IGDCC3: variants seen among roughly 807,000 people sequenced by gnomAD.
IGDCC3 encodes immunoglobulin superfamily DCC subclass member 3.
In IGDCC3, 47 loss-of-function variants were observed where a neutral mutation model predicts 72.0. The ratio of observed to expected loss-of-function variants is 0.65; its 90% CI spans 0.52 to 0.83. IGDCC3 has a LOEUF of 0.83. IGDCC3 is among the 40% of genes least tolerant of loss of function. The probability of loss-of-function intolerance (pLI) is 0.00; values close to 1 mark genes in which losing one functional copy is unlikely to be tolerated. For synonymous variants in IGDCC3, 477 were observed against 472.8 expected (o/e 1.01, Z -0.11); for missense variants, 1,038 against 1,091.3 (o/e 0.95, Z 0.69).
At chr15:65,345,299 T>A (rs1205676810) in intron 2 of IGDCC3, among the ~76,000 whole-genome samples, 1 of 151,886 alleles carries the variant, frequency 6.6e-6, no homozygotes, top group South Asian at 2.1e-4. Flanking sequence ...ATGCCTGTAA[T>A]CCCCAGAACT....
intron 2 of IGDCC3, among the ~76,000 whole-genome samples, chr15:65,337,104 C>A (rs569121): frequency 2.6e-5 from 4 of 152,180 alleles, no homozygotes; most frequent in Admixed American, 2.6e-4. Flanking sequence ...TGGCCCCCAT[C>A]CCCCATCTCA....
In IGDCC3 at chr15:65,335,440, T is replaced by G. The variant is rs1211167652; in HGVS notation, c.555-19A>C. 1 of 1,596,020 alleles carries G rather than the reference T, an allele frequency of 6.3e-7. No homozygotes were observed. The highest frequency in any genetic ancestry group is 2.2e-5 in the East Asian group (1 of 44,738). ...TGTGTACCTGTTGAGGGGAGGGACA[T>G]AGTTGGCCACCAGCACAGCCATTGA... On this transcript the variant is annotated intron_variant, in intron 3 of 13. Coordinates refer to ENST00000327987, the MANE Select transcript of IGDCC3 (RefSeq NM_004884.4).
In IGDCC3 at chr15:65,331,098, C is replaced by A; in HGVS notation, c.1513G>T (p.Gly505Trp). ...GTGGGCACAGAGGCTGAGCTGGCCC[C>A]CCTTGGTGTGTAGGCCTTGATGTAG... ...SFYIKAYTPR[G>W]ASSASVPTLA... Residue 505 changes from glycine to tryptophan, a missense_variant, in exon 9 of 14, where the codon GGG becomes TGG. Transcript: ENST00000327987. 6.2e-7 allele frequency: 1 copy of A among 1,614,156 alleles called. No homozygotes were observed. The highest frequency in any genetic ancestry group is 8.5e-7 in the Non-Finnish European group (1 of 1,180,048).
chr15:65,334,628 G>A (rs1268731299), intron 5 of IGDCC3, 100 bp downstream of exon 5: 2 of 1,086,504 alleles, frequency 1.8e-6, no homozygotes, highest in Non-Finnish European at 2.6e-6. Flanking sequence ...GAACAAACAG[G>A]ATTCCACATT....
At chr15:65,366,601 G>C (rs549526430) in intron 2 of IGDCC3, among the ~76,000 whole-genome samples, 10 of 152,278 alleles carry the variant, frequency 6.6e-5, no homozygotes, top group Middle Eastern at 3.4e-3. Context: ...AGAAGAGAGA[G>C]AGAAGGGCGG....
intron 2 of IGDCC3, among the ~76,000 whole-genome samples, chr15:65,336,570 G>A (rs1052345553): frequency 6.6e-6 from 1 of 151,790 alleles, no homozygotes; most frequent in Admixed American, 6.6e-5. Flanking sequence ...GCAGTCTCTC[G>A]ATGCACCCCA....
intron 2 of IGDCC3, among the ~76,000 whole-genome samples, chr15:65,355,484 G>A (rs1291029701): frequency 6.6e-6 from 1 of 151,032 alleles, no homozygotes; most frequent in Admixed American, 6.6e-5. Context: ...CCCGGCCCAG[G>A]GCGCGGCAGG....
rs372129215 is a variant in IGDCC3, at chr15:65,329,491, G to A, written c.2104C>T (p.Arg702Trp). The A allele has an allele frequency of 2.8e-5, 45 of 1,608,792 alleles. No individual in the cohort carries two copies. The highest frequency in any genetic ancestry group is 5.2e-5 in the Admixed American group (3 of 58,160). The change falls in exon 13 of 14, where the codon CGG (arginine) becomes TGG (tryptophan). Residue 702 changes from arginine to tryptophan, a missense_variant. Coordinates refer to ENST00000327987, the MANE Select transcript of IGDCC3 (RefSeq NM_004884.4). The surrounding 1 kb of genome is among the most constrained non-coding windows in gnomAD (Gnocchi z 4.1). Reference sequence around the variant, plus strand: ...TTCTCGTCTCGGCCCAGCTGGCCCCGCTGTCCCCGTCTCGCCCCATTTAGG... The same window carrying A: ...TTCTCGTCTCGGCCCAGCTGGCCCCACTGTCCCCGTCTCGCCCCATTTAGG... ...LALNGARRGQ[R>W]GQLGRDEKRV...
chr15:65,335,567 G>A, intron 3 of IGDCC3, 146 bp from the exon 4 acceptor site: 1 of 944,288 alleles, frequency 1.1e-6, no homozygotes, highest in East Asian at 2.4e-5. Flanking sequence ...TTTCAAAGGT[G>A]GACACACCCT....
At chr15:65,336,674 C>T (rs1008152191) in intron 2 of IGDCC3, among the ~76,000 whole-genome samples, 1 of 152,080 alleles carries the variant, frequency 6.6e-6, no homozygotes. Context: ...ATTCAGGGAC[C>T]CCTCCCCACC....
At chr15:65,350,604 G>A (rs939894511) in intron 2 of IGDCC3, among the ~76,000 whole-genome samples, 1 of 152,058 alleles carries the variant, frequency 6.6e-6, no homozygotes, top group African/African-American at 2.4e-5. Flanking sequence ...TGGGATTACA[G>A]GTGCGTGCCA....
At chr15:65,333,560 C>T (rs947528446) in intron 5 of IGDCC3, 145 bp from the exon 6 acceptor site, 1 of 726,198 alleles carries the variant, frequency 1.4e-6, no homozygotes. Flanking sequence ...CTCCTAGGCA[C>T]CTTAACATGG....
intron 2 of IGDCC3, among the ~76,000 whole-genome samples, chr15:65,354,784 A>G (rs2091202146): frequency 6.6e-6 from 1 of 152,224 alleles, no homozygotes; most frequent in Non-Finnish European, 1.5e-5. Flanking sequence ...ACAAGTTATT[A>G]TAATTCCTCT....
intron 4 of IGDCC3, 123 bp downstream of exon 4, chr15:65,335,168 C>T (rs2091015919): frequency 2.6e-5 from 29 of 1,102,686 alleles, no homozygotes; most frequent in Admixed American, 5.0e-5. Context: ...GCACAGAGCC[C>T]GGCACTCTGC....
At chr15:65,354,431 T>C (rs1276404798) in intron 2 of IGDCC3, among the ~76,000 whole-genome samples, 2 of 152,150 alleles carry the variant, frequency 1.3e-5, no homozygotes, top group African/African-American at 2.4e-5. Flanking sequence ...CCCCTTTTTC[T>C]ACCACCGCCT....
chr15:65,331,337 G>C, intron 8 of IGDCC3, 75 bp downstream of exon 8: 1 of 1,566,552 alleles, frequency 6.4e-7, no homozygotes, highest in Non-Finnish European at 8.7e-7. Context: ...GAGGCATCGG[G>C]TCACGACGTG....
intron 2 of IGDCC3, among the ~76,000 whole-genome samples, chr15:65,371,827 A>G (rs1165015006): frequency 6.6e-6 from 1 of 152,194 alleles, no homozygotes; most frequent in African/African-American, 2.4e-5. Context: ...GTCAATGCAC[A>G]CATTCCCCTG....
intron 2 of IGDCC3, 23 bp downstream of exon 2, chr15:65,375,074 G>A: frequency 6.3e-7 from 1 of 1,599,318 alleles, no homozygotes; most frequent in Non-Finnish European, 8.5e-7. Flanking sequence ...TACACAAAGG[G>A]AAAACAAGGG....
intron 2 of IGDCC3, among the ~76,000 whole-genome samples, chr15:65,366,418 A>G (rs2091288536): frequency 6.6e-6 from 1 of 151,994 alleles, no homozygotes; most frequent in African/African-American, 2.4e-5. Flanking sequence ...AAAGAAAGAG[A>G]AGGAGGGAGG....
Sources: allele counts gnomAD v4.1 joint callset (sites outside exome capture counted in the v4.1 genomes callset), GRCh38; gene constraint gnomAD v4.1.1; non-coding constraint Gnocchi (gnomAD v3.1); transcripts MANE v1.5; gene names NCBI Gene and HGNC (gene_info 2026-07-23, HGNC 2026-07-21).